Variants in ABI3BP observed in about 807,000 individuals in gnomAD.
ABI3BP encodes the protein ABI family member 3 binding protein.
Under a neutral mutation model 268.6 loss-of-function variants are expected in ABI3BP, and 216 were observed. That is an observed-to-expected ratio of 0.80 (90% confidence interval 0.72 to 0.90). The LOEUF (loss-of-function observed/expected upper bound fraction) is 0.90, where lower values mean the gene tolerates loss of function less well. Ranked by LOEUF, ABI3BP falls within the 40% of genes least tolerant of loss-of-function variation. The pLI, the probability that ABI3BP is intolerant of heterozygous loss-of-function variation, is 0.00. For missense variants in ABI3BP, 2,090 were observed against 2,182.4 expected (o/e 0.96, Z 0.84); for synonymous variants, 730 against 730.0 (o/e 1.00, Z 0.00).
At chr3:100,861,331 C>A (rs2098996247) in intron 14 of ABI3BP, among the ~76,000 whole-genome samples, 1 of 152,182 alleles carries the variant, frequency 6.6e-6, no homozygotes, top group Non-Finnish European at 1.5e-5. Context: ...GGCTCATGCT[C>A]ATCCTTTCTC....
At chr3:100,936,435 T>C (rs1279548463) in intron 1 of ABI3BP, among the ~76,000 whole-genome samples, 3 of 152,114 alleles carry the variant, frequency 2.0e-5, no homozygotes, top group Admixed American at 6.6e-5. Context: ...GCCTGAAATT[T>C]TCTTTTTTTG....
At chr3:100,790,390 A>T (rs181541532) in intron 55 of ABI3BP, among the ~76,000 whole-genome samples, 2 of 151,488 alleles carry the variant, frequency 1.3e-5, no homozygotes, top group Non-Finnish European at 2.9e-5. Flanking sequence ...TTTTGGAAAA[A>T]TTTTTTCTTG....
intron 1 of ABI3BP, among the ~76,000 whole-genome samples, chr3:100,985,684 C>G (rs2091524295): frequency 6.6e-6 from 1 of 152,104 alleles, no homozygotes; most frequent in Non-Finnish European, 1.5e-5. Context: ...ATCCTGTATA[C>G]AGAAAACAAG....
intron 2 of ABI3BP, among the ~76,000 whole-genome samples, chr3:100,915,706 G>T (rs941993875): frequency 6.6e-6 from 1 of 152,150 alleles, no homozygotes; most frequent in Non-Finnish European, 1.5e-5. Flanking sequence ...TGACAGCAGG[G>T]CATTAAACCC....
At chr3:100,866,832 A>C (rs777231707) in intron 10 of ABI3BP, 47 bp downstream of exon 10, 2 of 1,531,494 alleles carry the variant, frequency 1.3e-6, no homozygotes, top group Admixed American at 3.6e-5. Flanking sequence ...ATTTGAAAAA[A>C]AGCATTTTTT....
At chr3:100,831,026 A>G (rs1477903196) in intron 31 of ABI3BP, among the ~76,000 whole-genome samples, 2 of 152,238 alleles carry the variant, frequency 1.3e-5, no homozygotes, top group African/African-American at 2.4e-5. Context: ...GCAGTAATCA[A>G]TAATGATAGA....
At chr3:100,887,825 A>G (rs551127508) in intron 4 of ABI3BP, among the ~76,000 whole-genome samples, 1 of 152,152 alleles carries the variant, frequency 6.6e-6, no homozygotes, top group African/African-American at 2.4e-5. Context: ...GGTGATGCAA[A>G]ACAATCCCAG....
intron 28 of ABI3BP, 87 bp downstream of exon 28, chr3:100,835,514 A>G (rs977663241): frequency 5.9e-6 from 6 of 1,014,246 alleles, no homozygotes; most frequent in Non-Finnish European, 8.5e-6. Flanking sequence ...ATCTTATGAA[A>G]GAAAAAACCC....
chr3:100,825,312 G>A (rs558723660), intron 35 of ABI3BP, among the ~76,000 whole-genome samples: 48 of 152,094 alleles, frequency 3.2e-4, no homozygotes, highest in African/African-American at 1.1e-3. Context: ...TAATTCCCTA[G>A]TTGTCAAACT....
intron 1 of ABI3BP, among the ~76,000 whole-genome samples, chr3:100,956,007 G>T (rs2076699485): frequency 6.6e-6 from 1 of 151,962 alleles, no homozygotes; most frequent in African/African-American, 2.4e-5. Flanking sequence ...GCCCAACATA[G>T]TGAAACCCTG....
chr3:100,982,083 G>A (rs1323140569), intron 1 of ABI3BP, among the ~76,000 whole-genome samples: 1 of 152,172 alleles, frequency 6.6e-6, no homozygotes, highest in Non-Finnish European at 1.5e-5. Flanking sequence ...CATGGCAGCA[G>A]GCAAGAGAGA....
At chr3:100,965,478 A>G (rs1040891742) in intron 1 of ABI3BP, among the ~76,000 whole-genome samples, 1 of 145,684 alleles carries the variant, frequency 6.9e-6, no homozygotes, top group African/African-American at 2.6e-5. Flanking sequence ...TGATGTGAAA[A>G]CATGGAAAGC....
chr3:100,951,301 G>GT (rs2074882090), intron 1 of ABI3BP, among the ~76,000 whole-genome samples: 1 of 151,898 alleles, frequency 6.6e-6, no homozygotes, highest in Non-Finnish European at 1.5e-5. Flanking sequence ...CTGTGACACA[G>GT]TGGTATCCTA....
At chr3:100,840,728 A>T in intron 22 of ABI3BP, 92 bp downstream of exon 22, 1 of 1,133,984 alleles carries the variant, frequency 8.8e-7, no homozygotes, top group Non-Finnish European at 1.3e-6. Flanking sequence ...AAGGGACATT[A>T]ATGTATTAAT....
intron 19 of ABI3BP, 142 bp downstream of exon 19, chr3:100,847,460 G>A: frequency 1.4e-6 from 1 of 715,070 alleles, no homozygotes; most frequent in Non-Finnish European, 2.4e-6. Flanking sequence ...TGGAGCTGGT[G>A]CACTCTCTGA....
Position 100,811,724 on chromosome 3 carries a change from C to T in ABI3BP, c.3493+4G>A. Reference sequence around the variant, plus strand: ...ATGAATCAAAGCATTAAAACCTTTGCTACCTTCAGTCTTTGGCTCCTCTGG... The same window carrying T: ...ATGAATCAAAGCATTAAAACCTTTGTTACCTTCAGTCTTTGGCTCCTCTGG... On this transcript the variant is annotated splice_donor_region_variant and intron_variant, in intron 47 of 67. Transcript: ENST00000471714. 6.5e-7 allele frequency: 1 copy of T among 1,534,866 alleles called. No homozygotes were observed.
intron 27 of ABI3BP, among the ~76,000 whole-genome samples, chr3:100,836,828 T>C (rs555779166): frequency 3.2e-4 from 49 of 151,852 alleles, no homozygotes; most frequent in African/African-American, 1.1e-3. Flanking sequence ...GAAGCAGAGG[T>C]TTCAAAAAAT....
chr3:100,992,787 G>A lies in ABI3BP; in HGVS notation c.79+519C>T, dbSNP rs112962467. On this transcript the variant is annotated intron_variant, in intron 1 of 67. Coordinates refer to ENST00000471714, the MANE Select transcript of ABI3BP (RefSeq NM_001375547.2). ...CTCAAGCCCTCTTCCAAACTCCACT[G>A]GAGGGACGTGTCTGCAAATCAGCAC... Among the ~76,000 whole-genome samples the A allele has an allele frequency of 5.4e-3, 830 of 152,296 alleles. 5 individuals are homozygous for A. Among genetic ancestry groups the A allele is most frequent in the Non-Finnish European group, 8.8e-3 (597 of 68,016 alleles).
At chr3:100,874,698 T>TC (rs2099143116) in intron 9 of ABI3BP, 143 bp downstream of exon 9, 1 of 502,266 alleles carries the variant, frequency 2.0e-6, no homozygotes, top group African/African-American at 1.9e-5. Flanking sequence ...AATGAATACC[T>TC]CCAACACTCC....
Sources: gnomAD v4.1 joint callset for allele counts (sites outside exome capture counted in the v4.1 genomes callset) on GRCh38, gnomAD v4.1.1 for gene constraint, MANE v1.5 for transcripts, NCBI Gene and HGNC (gene_info 2026-07-23, HGNC 2026-07-21) for gene names.